The following USPL1 variants were observed in gnomAD, a reference collection of about 807,000 sequenced individuals.
USPL1 encodes SUMO-specific isopeptidase USPL1.
USPL1 carries 27 observed loss-of-function variants against 51.5 expected under a neutral mutation model. That is an observed-to-expected ratio of 0.52 (90% CI 0.39 to 0.72). The LOEUF (loss-of-function observed/expected upper bound fraction) is 0.72. Ranked by LOEUF, USPL1 falls within the 30% of genes least tolerant of loss-of-function variation. USPL1 has a pLI of 0.00. For missense variants in USPL1, 1,226 were observed against 1,268.0 expected (o/e 0.97, Z 0.50); for synonymous variants, 451 against 459.6 (o/e 0.98, Z 0.24).
At chr13:30,624,306 G>A (rs1342905836) in intron 3 of USPL1, among the ~76,000 whole-genome samples, 1 of 151,984 alleles carries the variant, frequency 6.6e-6, no homozygotes, top group African/African-American at 2.4e-5. Context: ...AGTCACTTGT[G>A]TTAAAAAAGA....
In USPL1 at chr13:30,659,501, G is replaced by A; in HGVS notation, c.*145G>A. 1 of 687,988 alleles carries A rather than the reference G, an allele frequency of 1.5e-6. No homozygotes were observed. The highest frequency in any genetic ancestry group is 3.4e-5 in the Admixed American group (1 of 29,070). 42.6% of individuals were successfully genotyped at this position (687,988 alleles called of 1,614,324 possible). On this transcript the variant is annotated 3_prime_UTR_variant, in exon 9 of 9. Transcript: ENST00000255304. Reference sequence around the variant, plus strand: ...AATGCAAGGTTTAACCTTTGGTTCTGCCCATGAAGCATGTAATCTTTCTTA... The same window carrying A: ...AATGCAAGGTTTAACCTTTGGTTCTACCCATGAAGCATGTAATCTTTCTTA...
rs139800638 is a variant in USPL1 at position 30,659,045 on chromosome 13, G to A, written c.2968G>A (p.Glu990Lys). The change falls in exon 9 of 9, where the codon GAA becomes AAA. Residue 990 changes from glutamate (E) to lysine (K), a missense_variant. Glu to Lys is a moderately conservative substitution (Grantham distance 56). Coordinates refer to ENST00000255304, the MANE Select transcript of USPL1 (RefSeq NM_005800.5). ...PVSTELSENG[E>K]GDFRYLGMGD... ...TTCAACAGAGCTGTCAGAAAATGGGGAAGGTGACTTTAGGTATTTGGGAAT... is the reference window on the plus strand; with the variant it reads ...TTCAACAGAGCTGTCAGAAAATGGGAAAGGTGACTTTAGGTATTTGGGAAT... The A allele has an allele frequency of 4.3e-6, 7 of 1,614,062 alleles. No individual in the cohort carries two copies. The African/African-American group carries it at 9.3e-5, about 22-fold the overall frequency.
Position 30,630,961 on chromosome 13 carries a change from T to C in USPL1, c.355T>C (p.Leu119=), listed in dbSNP as rs771887981. The part of the protein sequence containing the change: ...LESSYKDSLL[L]ANSKKTRNYI... The stretch of plus-strand genomic sequence containing the variant: ...AAGCAGCTATAAGGATTCACTTCTT[T>C]TAGCAAATTCCAAAAAGACTAGAAA... The change falls in exon 4 of 9, where the codon TTA becomes CTA. Residue 119 remains leucine (L), a synonymous_variant. Transcript: ENST00000255304. The C allele has an allele frequency of 1.7e-5, 28 of 1,613,960 alleles. 1 individual carries two copies. In the South Asian group the frequency reaches 3.0e-4, roughly 17 times the overall value.
Position 30,660,126 on chromosome 13 carries a change from C to G in USPL1, c.*770C>G, listed in dbSNP as rs1421165860. 2 of 152,352 alleles carry G rather than the reference C, an allele frequency of 1.3e-5. No individual in the cohort carries two copies. Among genetic ancestry groups the G allele is most frequent in the Non-Finnish European group, 2.9e-5 (2 of 68,136 alleles). The allele number at this position is 152,352 out of a possible 1,614,324, so 9.4% of individuals were successfully genotyped here. On this transcript the variant is annotated 3_prime_UTR_variant, in exon 9 of 9. Coordinates refer to ENST00000255304, the MANE Select transcript of USPL1 (RefSeq NM_005800.5). The stretch of plus-strand genomic sequence containing the variant: ...TCTTAGCAGAGAGGGTAGCTCCTCC[C>G]TGTTGCTGGTCGTCCCACCCTCTGC...
At position 30,657,607 on chromosome 13, in the gene USPL1, C is replaced by A. The variant is rs141512077; in HGVS notation, c.1530C>A (p.Ala510=). The A allele has an allele frequency of 1.7e-3, 2,759 of 1,614,162 alleles. 4 individuals carry two copies. Among genetic ancestry groups the A allele is most frequent in the Admixed American group, 2.5e-3 (153 of 60,020 alleles). ...CCCAAGTGACAGATAAAGAAGCTGCCTGCCTTCCACTTAAAAAGACTAATG... is the reference window on the plus strand; with the variant it reads ...CCCAAGTGACAGATAAAGAAGCTGCATGCCTTCCACTTAAAAAGACTAATG... ...KISQVTDKEA[A]CLPLKKTNDQ... is the part of the protein sequence containing the mutation. The change falls in exon 9 of 9, where the codon GCC becomes GCA. Residue 510 remains alanine (A), a synonymous_variant. Transcript: ENST00000255304.
At chr13:30,624,605 G>C (rs1950687358) in intron 3 of USPL1, among the ~76,000 whole-genome samples, 1 of 152,156 alleles carries the variant, frequency 6.6e-6, no homozygotes, top group Admixed American at 6.5e-5. Context: ...GGATGACAGA[G>C]TGTGAGACCC....
chr13:30,632,161 T>A (rs1211005419), intron 4 of USPL1, among the ~76,000 whole-genome samples: 1 of 152,032 alleles, frequency 6.6e-6, no homozygotes, highest in Non-Finnish European at 1.5e-5. Context: ...TTCCCCTCCC[T>A]GTGTCCATGT....
intron 3 of USPL1, among the ~76,000 whole-genome samples, chr13:30,623,011 G>C (rs931453569): frequency 2.6e-5 from 4 of 152,086 alleles, no homozygotes; most frequent in African/African-American, 9.7e-5. Flanking sequence ...GAGTGGGAAA[G>C]ACAGTGAACA....
chr13:30,625,469 C>T (rs1349533363), intron 3 of USPL1, among the ~76,000 whole-genome samples: 3 of 120,886 alleles, frequency 2.5e-5, no homozygotes, highest in African/African-American at 3.3e-5. Flanking sequence ...TTTTTTGAGA[C>T]GGAGTCTCGC....
intron 5 of USPL1, among the ~76,000 whole-genome samples, chr13:30,642,358 T>C (rs1950959453): frequency 6.6e-6 from 1 of 152,118 alleles, no homozygotes; most frequent in Admixed American, 6.5e-5. Context: ...TATGGGTCTT[T>C]TGTGGATTTT....
chr13:30,659,491 C>T lies in USPL1; in HGVS notation c.*135C>T, dbSNP rs143613680. 2.0e-5 allele frequency: 16 copies of T among 780,592 alleles called. No homozygotes were observed. In the African/African-American group the frequency reaches 2.3e-4, roughly 11 times the overall value. The allele number at this position is 780,592 out of a possible 1,614,324, so 48.4% of individuals were successfully genotyped here. ...CCATGAACAAAATGCAAGGTTTAACCTTTGGTTCTGCCCATGAAGCATGTA... is the reference window on the plus strand; with the variant it reads ...CCATGAACAAAATGCAAGGTTTAACTTTTGGTTCTGCCCATGAAGCATGTA... On this transcript the variant is annotated 3_prime_UTR_variant, in exon 9 of 9. Coordinates refer to ENST00000255304, the MANE Select transcript of USPL1 (RefSeq NM_005800.5).
intron 3 of USPL1, among the ~76,000 whole-genome samples, chr13:30,624,648 A>G (rs934978544): frequency 6.6e-6 from 1 of 152,226 alleles, no homozygotes. Flanking sequence ...AAAGACAAAT[A>G]GATCCAGGAA....
Position 30,658,917 on chromosome 13 carries a change from A to C in USPL1, c.2840A>C (p.Asp947Ala). 1 of 1,614,182 alleles carries C rather than the reference A, an allele frequency of 6.2e-7. No homozygotes were observed. Reference sequence around the variant, plus strand: ...TTAAATGAGCTACCATATCCAATTGATATTGCCAGTGAGTCTGCATGCACC... The same window carrying C: ...TTAAATGAGCTACCATATCCAATTGCTATTGCCAGTGAGTCTGCATGCACC... ...DLLNELPYPI[D>A]IASESACTTV... The change falls in exon 9 of 9, where the codon GAT (aspartate) becomes GCT (alanine). Residue 947 changes from aspartate to alanine, a missense_variant. Physicochemically the swap from Asp to Ala is moderately radical, Grantham distance 126. Coordinates refer to ENST00000255304, the MANE Select transcript of USPL1 (RefSeq NM_005800.5).
intron 3 of USPL1, among the ~76,000 whole-genome samples, chr13:30,624,461 A>G (rs1950684464): frequency 6.6e-6 from 1 of 152,114 alleles, no homozygotes; most frequent in Non-Finnish European, 1.5e-5. Context: ...CAAAAAAAAA[A>G]ATTTAAATTA....
At chr13:30,649,762 G>GCTTT (rs1367992405) in intron 7 of USPL1, among the ~76,000 whole-genome samples, 1 of 152,186 alleles carries the variant, frequency 6.6e-6, no homozygotes, top group East Asian at 1.9e-4. Context: ...GCTCCCTTGT[G>GCTTT]CTTTCTTTCT....
At position 30,660,374 on chromosome 13, in the gene USPL1, TC is replaced by T. The variant is rs982766480; in HGVS notation, c.*1020del. 6.6e-6 allele frequency: 1 copy of T among 152,360 alleles called. No individual in the cohort carries two copies. The highest frequency in any genetic ancestry group is 6.5e-5 in the Admixed American group (1 of 15,300). The allele number at this position is 152,360 out of a possible 1,614,324, so 9.4% of individuals were successfully genotyped here. A position where few individuals can be genotyped will look rare whatever the true frequency, so the allele number is the denominator to read the frequency against. On this transcript the variant is annotated 3_prime_UTR_variant, in exon 9 of 9. Transcript: ENST00000255304. ...AAGCCAAGCTGCAGAGGCAAGCACT[TC>T]CGAGCCTGCAAAAGCAGGCCCCCAA...
chr13:30,658,594 T>G lies in USPL1; in HGVS notation c.2517T>G (p.Ala839=), dbSNP rs771464182. The change falls in exon 9 of 9, where the codon GCT becomes GCG. Residue 839 remains alanine (A), a synonymous_variant. Coordinates refer to ENST00000255304, the MANE Select transcript of USPL1 (RefSeq NM_005800.5). ...GCCCTCCATCGTCTAATGGCACAGC[T>G]GCCCACCCACATGCTCATGCTGCTT... ...PAGPPSSNGT[A]AHPHAHAASE... 2.5e-6 allele frequency: 4 copies of G among 1,614,234 alleles called. No individual in the cohort carries two copies. In the South Asian group the frequency reaches 4.4e-5, roughly 18 times the overall value.
rs529408428 is a variant in USPL1 at position 30,640,686 on chromosome 13, T to G, written c.983-1942T>G. Among the ~76,000 whole-genome samples the G allele has an allele frequency of 5.1e-4, 78 of 152,290 alleles. No homozygotes were observed. In the South Asian group the frequency reaches 0.013, roughly 26 times the overall value. Reference sequence around the variant, plus strand: ...ACCTGAGCAACAAGTGCGAAACTCCTTCTCAAAAAGAAACAAAAAAACTTT... The same window carrying G: ...ACCTGAGCAACAAGTGCGAAACTCCGTCTCAAAAAGAAACAAAAAAACTTT... On this transcript the variant is annotated intron_variant, in intron 5 of 8. Transcript: ENST00000255304.
chr13:30,646,429 AT>A (rs1163177409), intron 6 of USPL1, among the ~76,000 whole-genome samples: 1 of 151,672 alleles, frequency 6.6e-6, no homozygotes, highest in South Asian at 2.1e-4. Flanking sequence ...TCCCCTTTTC[AT>A]TTTTGGTTGT....
Sources: allele counts gnomAD v4.1 joint callset (sites outside exome capture counted in the v4.1 genomes callset), GRCh38; gene constraint gnomAD v4.1.1; transcripts MANE v1.5; gene names NCBI Gene and HGNC (gene_info 2026-07-23, HGNC 2026-07-21).